Variants in CUL1 observed in about 807,000 individuals in gnomAD.
The protein encoded by CUL1 is cullin-1.
A neutral mutation model predicts 118.0 loss-of-function variants in CUL1; 24 were observed. That is an observed-to-expected ratio of 0.20 (90% CI 0.15 to 0.29). The LOEUF is 0.29. Ranked by LOEUF, CUL1 falls within the 10% of genes least tolerant of loss-of-function variation. The pLI, the probability that CUL1 is intolerant of heterozygous loss-of-function variation, is 1.00. For synonymous variants in CUL1, 332 were observed against 340.4 expected, an observed-to-expected ratio of 0.98 and a Z score of 0.27; for missense variants, 361 against 933.8, an observed-to-expected ratio of 0.39 and a Z score of 7.99.
At chr7:148,723,197 G>C (rs1224254544) in intron 1 of CUL1, among the ~76,000 whole-genome samples, 1 of 152,152 alleles carries the variant, frequency 6.6e-6, no homozygotes, top group Non-Finnish European at 1.5e-5. Flanking sequence ...TACCTTTGCA[G>C]TTACAAACTC....
rs1461191818 is a variant in CUL1, at chr7:148,784,091, CTA to C, written c.1298+16_1298+17del. The C allele has an allele frequency of 6.3e-7, 1 of 1,589,778 alleles. No homozygotes were observed. ...GTTGAAGAAAAGGTATTAAATGACCCTATGTTTTCTTAGTATGCCTGTTTAAA... is the reference window on the plus strand; with the variant it reads ...GTTGAAGAAAAGGTATTAAATGACCCTGTTTTCTTAGTATGCCTGTTTAAA... On this transcript the variant is annotated intron_variant, in intron 11 of 21. Transcript: ENST00000325222.
intron 4 of CUL1, 21 bp from the exon 5 acceptor site, chr7:148,759,283 T>C: frequency 6.2e-7 from 1 of 1,611,020 alleles, no homozygotes; most frequent in African/African-American, 1.3e-5. Context: ...GTATAGACAT[T>C]TTGTACTTTT....
rs1038841151 is a variant in CUL1 at position 148,724,841 on chromosome 7, TTTTTTTGTTTG to T, written c.-161-5104_-161-5094del. On this transcript the variant is annotated intron_variant, in intron 1 of 21. Coordinates refer to ENST00000325222, the MANE Select transcript of CUL1 (RefSeq NM_003592.3). ...TACCTGATTTCCTAAGTATATTTTG[TTTTTTTGTTTG>T]TTTTTTGTTTGTTTTTAATATCTTT... 7.2e-5 allele frequency among the ~76,000 whole-genome samples: 11 copies of T among 152,274 alleles called. No individual in the cohort carries two copies. In the East Asian group the frequency reaches 7.7e-4, roughly 11 times the overall value.
In CUL1 at chr7:148,768,378, C is replaced by CT. The variant is rs10595637; in HGVS notation, c.1083+653dup. Among the ~76,000 whole-genome samples the CT allele has an allele frequency of 1.7e-3, 157 of 94,836 alleles. 3 individuals are homozygous for CT. Among genetic ancestry groups the CT allele is most frequent in the Non-Finnish European group, 1.9e-3 (93 of 48,978 alleles). The allele number at this position is 94,836 out of a possible 152,430, so 62.2% of individuals were successfully genotyped here. ...GGGAGAACAATAGAGAAGAAAAGCT[C>CT]TTTTTTTTTTTTTTTTTTTTTTTTG... is the stretch of plus-strand genomic sequence containing the variant. On this transcript the variant is annotated intron_variant, in intron 9 of 21. Coordinates refer to ENST00000325222, the MANE Select transcript of CUL1 (RefSeq NM_003592.3).
At chr7:148,762,874 C>T (rs1325924547) in intron 7 of CUL1, among the ~76,000 whole-genome samples, 4 of 152,188 alleles carry the variant, frequency 2.6e-5, no homozygotes, top group East Asian at 3.9e-4. Context: ...AGGCCGGGCG[C>T]GGTGGCTCAC....
intron 1 of CUL1, among the ~76,000 whole-genome samples, chr7:148,707,812 G>A (rs1034068513): frequency 1.3e-5 from 2 of 152,140 alleles, no homozygotes; most frequent in Non-Finnish European, 2.9e-5. Flanking sequence ...TCTCTTGAAG[G>A]CACTCTTAGA....
chr7:148,722,928 C>T (rs1006605662), intron 1 of CUL1, among the ~76,000 whole-genome samples: 6 of 152,242 alleles, frequency 3.9e-5, no homozygotes, highest in African/African-American at 1.4e-4. Flanking sequence ...ATGCCCTTTG[C>T]AGCCTTCTTA....
At chr7:148,780,973 A>G (rs1800606978) in intron 9 of CUL1, among the ~76,000 whole-genome samples, 1 of 151,516 alleles carries the variant, frequency 6.6e-6, no homozygotes, top group Non-Finnish European at 1.5e-5. Flanking sequence ...CTAGTTCCTT[A>G]AAATTCTCTC....
intron 7 of CUL1, among the ~76,000 whole-genome samples, chr7:148,763,194 C>T (rs1200044171): frequency 4.6e-5 from 7 of 151,918 alleles, no homozygotes; most frequent in East Asian, 1.9e-4. Flanking sequence ...ACACCAAAGA[C>T]GGTTGAGGAG....
rs1402160014 is a variant in CUL1 at position 148,766,635 on chromosome 7, A to G, written c.864A>G (p.Ala288=). Residue 288 remains alanine (A), a synonymous_variant, in exon 8 of 22, where the codon GCA becomes GCG. Coordinates refer to ENST00000325222, the MANE Select transcript of CUL1 (RefSeq NM_003592.3). The part of the protein sequence containing the change: ...YLHESTQDEL[A]RKCEQVLIEK... ...ATGAAAGCACACAAGATGAATTAGC[A>G]AGGAAATGTGAACAAGTCCTCATTG... 1 of 1,613,932 alleles carries G rather than the reference A, an allele frequency of 6.2e-7. No individual in the cohort carries two copies. The highest frequency in any genetic ancestry group is 8.5e-7 in the Non-Finnish European group (1 of 1,179,854).
Position 148,753,807 on chromosome 7 carries a change from C to G in CUL1, c.141-169C>G, listed in dbSNP as rs148557860. Among the ~76,000 whole-genome samples the G allele has an allele frequency of 2.5e-3, 384 of 152,182 alleles. 1 individual carries two copies. The highest frequency in any genetic ancestry group is 9.0e-3 in the African/African-American group (373 of 41,502). Reference sequence around the variant, plus strand: ...CAACCTTGTGAATGGGGCTTGTTGACTTTTAGCTTTATGGATAGTGTGAAT... The same window carrying G: ...CAACCTTGTGAATGGGGCTTGTTGAGTTTTAGCTTTATGGATAGTGTGAAT... On this transcript the variant is annotated intron_variant, in intron 2 of 21. Transcript: ENST00000325222.
chr7:148,784,547 T>A (rs73469624), intron 11 of CUL1, among the ~76,000 whole-genome samples: 3,230 of 152,322 alleles, frequency 0.021, 103 homozygotes, highest in African/African-American at 0.074. Flanking sequence ...AATATATAGC[T>A]TTCTCCTCTG....
At chr7:148,754,260 C>G in intron 3 of CUL1, 110 bp downstream of exon 3, 1 of 694,120 alleles carries the variant, frequency 1.4e-6, no homozygotes, top group Non-Finnish European at 2.3e-6. Flanking sequence ...GTTTTAGACA[C>G]TAACGTAGGT....
At chr7:148,792,059 G>A (rs1188456997) in intron 16 of CUL1, among the ~76,000 whole-genome samples, 2 of 152,094 alleles carry the variant, frequency 1.3e-5, no homozygotes, top group African/African-American at 2.4e-5. Flanking sequence ...GGTGGTGCAC[G>A]CCTATAGCCC....
intron 7 of CUL1, among the ~76,000 whole-genome samples, chr7:148,763,249 C>T (rs1214282001): frequency 1.3e-5 from 2 of 152,142 alleles, no homozygotes; most frequent in Non-Finnish European, 1.5e-5. Context: ...AGCATGAGGC[C>T]CGCCTTCAAG....
chr7:148,772,251 C>T (rs535047821), intron 9 of CUL1, among the ~76,000 whole-genome samples: 2 of 152,196 alleles, frequency 1.3e-5, no homozygotes, highest in South Asian at 4.2e-4. Context: ...CCCGTCTCTA[C>T]TAAAAATACA....
chr7:148,714,786 A>G, intron 1 of CUL1, among the ~76,000 whole-genome samples: 1 of 152,200 alleles, frequency 6.6e-6, no homozygotes, highest in South Asian at 2.1e-4. Flanking sequence ...CAGACTTTGA[A>G]TCCAGGGTTG....
chr7:148,725,825 C>G (rs941668502), intron 1 of CUL1, among the ~76,000 whole-genome samples: 1 of 152,108 alleles, frequency 6.6e-6, no homozygotes, highest in East Asian at 1.9e-4. Context: ...TAGGGGATAT[C>G]AAAAATGTAA....
chr7:148,755,815 G>T (rs915107958), intron 3 of CUL1, among the ~76,000 whole-genome samples: 1 of 152,078 alleles, frequency 6.6e-6, no homozygotes, highest in Non-Finnish European at 1.5e-5. Context: ...GAGATGATCC[G>T]GTTTTTACAT....
Sources: allele counts gnomAD v4.1 joint callset (sites outside exome capture counted in the v4.1 genomes callset), GRCh38; gene constraint gnomAD v4.1.1; transcripts MANE v1.5; gene names NCBI Gene and HGNC (gene_info 2026-07-23, HGNC 2026-07-21).